Variants in TTC28 observed in about 807,000 individuals in gnomAD.
The protein encoded by TTC28 is tetratricopeptide repeat domain 28, also known as tetratricopeptide repeat protein 28.
Under a neutral mutation model 198.0 loss-of-function variants are expected in TTC28, and 61 were observed. The observed-to-expected ratio is 0.31, with a 90% CI of 0.25 to 0.38. The LOEUF is 0.38. TTC28 is among the 10% of genes least tolerant of loss of function. The pLI, the probability that TTC28 is intolerant of heterozygous loss-of-function variation, is 1.00. For missense variants in TTC28, 2,678 were observed against 3,164.0 expected (o/e 0.85, Z 3.69); for synonymous variants, 1,171 against 1,297.8 (o/e 0.90, Z 2.10).
chr22:28,175,088 T>A (rs1923036828), intron 5 of TTC28, among the ~76,000 whole-genome samples: 1 of 150,622 alleles, frequency 6.6e-6, no homozygotes, highest in South Asian at 2.1e-4. Context: ...ACTAGACTCC[T>A]TCTCTCACCA....
At chr22:27,986,237 A>G (rs568727044) in intron 21 of TTC28, 2 of 152,250 alleles carry the variant, frequency 1.3e-5, no homozygotes, top group African/African-American at 4.8e-5. Flanking sequence ...TGGTTGTTTG[A>G]TAAGTGTCTG....
chr22:28,346,364 A>G (rs1297491747), intron 2 of TTC28, among the ~76,000 whole-genome samples: 1 of 152,202 alleles, frequency 6.6e-6, no homozygotes, highest in Non-Finnish European at 1.5e-5. Flanking sequence ...CAGCCTGAAT[A>G]TCTGGGGACA....
chr22:28,358,277 G>A lies in TTC28; in HGVS notation c.382-51634C>T, dbSNP rs959756458. On this transcript the variant is annotated intron_variant, in intron 2 of 22. Transcript: ENST00000397906. Reference sequence around the variant, plus strand: ...CCAGAAAATATCCAAGGAAAAGGAAGTACAACTGAATGTTAGATCCAAATA... The same window carrying A: ...CCAGAAAATATCCAAGGAAAAGGAAATACAACTGAATGTTAGATCCAAATA... Among the ~76,000 whole-genome samples, 7 of 152,180 alleles carry A rather than the reference G, an allele frequency of 4.6e-5. No homozygotes were observed. In the South Asian group the frequency reaches 1.0e-3, roughly 23 times the overall value.
intron 2 of TTC28, among the ~76,000 whole-genome samples, chr22:28,550,523 T>C (rs774359912): frequency 1.3e-5 from 2 of 152,146 alleles, no homozygotes; most frequent in African/African-American, 2.4e-5. Context: ...AATCAAGTAT[T>C]CATGCCCTAC....
intron 2 of TTC28, among the ~76,000 whole-genome samples, chr22:28,459,645 C>T (rs900705602): frequency 6.6e-6 from 1 of 152,208 alleles, no homozygotes. Context: ...ACTACTGTCA[C>T]TCCACATTAA....
intron 2 of TTC28, among the ~76,000 whole-genome samples, chr22:28,327,175 T>C (rs1443126962): frequency 6.6e-6 from 1 of 152,226 alleles, no homozygotes; most frequent in Admixed American, 6.5e-5. Context: ...TTAAATTATG[T>C]GACTAGACAT....
chr22:28,201,837 G>A (rs989657396), intron 5 of TTC28, among the ~76,000 whole-genome samples: 2 of 151,672 alleles, frequency 1.3e-5, no homozygotes, highest in Non-Finnish European at 2.9e-5. Context: ...AGGTGAAAGA[G>A]AGGAATACAG....
chr22:28,080,841 C>G (rs1057257360), intron 12 of TTC28, among the ~76,000 whole-genome samples: 9 of 152,056 alleles, frequency 5.9e-5, no homozygotes, highest in African/African-American at 1.9e-4. Flanking sequence ...GGTCTCTAAT[C>G]CATTTTGAGT....
chr22:28,200,412 A>G (rs952117148), intron 5 of TTC28, among the ~76,000 whole-genome samples: 1 of 152,284 alleles, frequency 6.6e-6, no homozygotes, highest in Middle Eastern at 3.4e-3. Context: ...TACAATTCAA[A>G]CAGTTTTATT....
At chr22:28,031,852 C>G (rs1361227248) in intron 12 of TTC28, among the ~76,000 whole-genome samples, 1 of 151,950 alleles carries the variant, frequency 6.6e-6, no homozygotes, top group Non-Finnish European at 1.5e-5. Flanking sequence ...AGTAGACTGC[C>G]CTCCCCAGTG....
intron 2 of TTC28, among the ~76,000 whole-genome samples, chr22:28,347,604 G>A (rs1328793798): frequency 6.6e-6 from 1 of 152,198 alleles, no homozygotes; most frequent in Admixed American, 6.5e-5. Context: ...GAGTGCAGTG[G>A]CTCATGCCTG....
chr22:28,008,609 G>A (rs1282125939), intron 14 of TTC28: 1 of 152,226 alleles, frequency 6.6e-6, no homozygotes, highest in African/African-American at 2.4e-5. Flanking sequence ...TATAACTAGA[G>A]CAAGTCTAAA....
At chr22:27,990,681 C>T (rs547336940) in intron 20 of TTC28, 108 bp downstream of exon 20, 20 of 1,112,732 alleles carry the variant, frequency 1.8e-5, no homozygotes, top group African/African-American at 6.4e-5. Context: ...CGTGTGGCTC[C>T]GTTTGACAGC....
chr22:28,421,898 G>A (rs576229158), intron 2 of TTC28, among the ~76,000 whole-genome samples: 1 of 145,792 alleles, frequency 6.9e-6, no homozygotes, highest in East Asian at 2.0e-4. Flanking sequence ...TCGCACCACT[G>A]CATTCCAGCC....
chr22:28,231,365 TTTTTG>T (rs771780346), intron 5 of TTC28, among the ~76,000 whole-genome samples: 40 of 152,344 alleles, frequency 2.6e-4, no homozygotes, highest in African/African-American at 7.9e-4. Flanking sequence ...GTTTGTTTGT[TTTTTG>T]TTTTGTTTTG....
At chr22:28,317,641 C>T (rs954346029) in intron 2 of TTC28, among the ~76,000 whole-genome samples, 6 of 152,174 alleles carry the variant, frequency 3.9e-5, no homozygotes, top group African/African-American at 1.4e-4. Flanking sequence ...GGATTGCTCT[C>T]ATGAGCTCAC....
intron 6 of TTC28, among the ~76,000 whole-genome samples, chr22:28,133,247 T>C (rs914503263): frequency 1.3e-5 from 2 of 151,350 alleles, no homozygotes; most frequent in Non-Finnish European, 2.9e-5. Context: ...AAATAGGGAG[T>C]TCCAAGATGG....
At chr22:28,481,790 TC>T (rs1462009243) in intron 2 of TTC28, among the ~76,000 whole-genome samples, 7 of 152,150 alleles carry the variant, frequency 4.6e-5, no homozygotes, top group African/African-American at 1.7e-4. Context: ...CAGCAATACT[TC>T]CAGCCAATTA....
rs549211265 is a variant in TTC28 at position 28,671,560 on chromosome 22, G to A, written c.102+8062C>T. ...TGAGGCAGGAGAATGGCGTGAACCC[G>A]GTAGGCAGAGCTTGCAATGAGCCGA... is the stretch of plus-strand genomic sequence containing the variant. On this transcript the variant is annotated intron_variant, in intron 1 of 22. Transcript: ENST00000397906. 2.1e-4 allele frequency among the ~76,000 whole-genome samples: 31 copies of A among 150,376 alleles called. No individual in the cohort carries two copies. In the South Asian group the frequency reaches 4.1e-3, roughly 20 times the overall value.
Sources: allele counts gnomAD v4.1 joint callset (sites outside exome capture counted in the v4.1 genomes callset), GRCh38; gene constraint gnomAD v4.1.1; transcripts MANE v1.5; gene names NCBI Gene and HGNC (gene_info 2026-07-23, HGNC 2026-07-21).